Variants in HMBOX1 observed in about 807,000 individuals in gnomAD.
HMBOX1 encodes homeobox-containing protein 1.
HMBOX1 carries 14 observed loss-of-function variants against 54.5 expected under a neutral mutation model. That is an observed-to-expected ratio of 0.26 (90% CI 0.17 to 0.40). The LOEUF is 0.40. Ranked by LOEUF, HMBOX1 falls within the 10% of genes least tolerant of loss-of-function variation. The pLI is 1.00. For synonymous variants in HMBOX1, 160 were observed against 181.0 expected (o/e 0.88, Z 0.93); for missense variants, 332 against 514.4 (o/e 0.65, Z 3.43).
intron 6 of HMBOX1, among the ~76,000 whole-genome samples, chr8:29,044,361 C>T (rs902066023): frequency 8.2e-4 from 125 of 152,180 alleles, no homozygotes; most frequent in African/African-American, 2.8e-3. Flanking sequence ...TTCTCCTTTT[C>T]TTTTTTTAAA....
At chr8:28,947,628 C>T (rs900726281) in intron 1 of HMBOX1, among the ~76,000 whole-genome samples, 10 of 152,172 alleles carry the variant, frequency 6.6e-5, no homozygotes, top group African/African-American at 1.7e-4. Context: ...GAAATTCTAC[C>T]GTTAGCAATT....
intron 6 of HMBOX1, among the ~76,000 whole-genome samples, chr8:29,026,963 G>A (rs553486441): frequency 6.6e-6 from 1 of 152,166 alleles, no homozygotes; most frequent in African/African-American, 2.4e-5. Context: ...GGTATGTAGG[G>A]GGTTGTGGGT....
chr8:28,897,506 C>T (rs1292876786), intron 1 of HMBOX1, among the ~76,000 whole-genome samples: 2 of 152,030 alleles, frequency 1.3e-5, no homozygotes, highest in Admixed American at 6.5e-5. Flanking sequence ...GAAACTTTGC[C>T]TCTACTAAAA....
intron 1 of HMBOX1, among the ~76,000 whole-genome samples, chr8:28,938,726 G>A (rs1039365488): frequency 2.6e-5 from 4 of 152,056 alleles, no homozygotes; most frequent in East Asian, 3.9e-4. Context: ...TGGAATTACA[G>A]GCATGAGCCA....
At chr8:28,922,081 C>G (rs994895700) in intron 1 of HMBOX1, among the ~76,000 whole-genome samples, 1 of 152,094 alleles carries the variant, frequency 6.6e-6, no homozygotes, top group Non-Finnish European at 1.5e-5. Flanking sequence ...ATCTGTTGGT[C>G]CCACATCCAT....
intron 4 of HMBOX1, among the ~76,000 whole-genome samples, chr8:29,002,112 G>A (rs1205966293): frequency 6.6e-6 from 1 of 152,110 alleles, no homozygotes; most frequent in African/African-American, 2.4e-5. Flanking sequence ...TGGTTCAGGG[G>A]GGTCTCATGA....
intron 3 of HMBOX1, among the ~76,000 whole-genome samples, chr8:28,972,491 C>T (rs1239708533): frequency 1.3e-5 from 2 of 152,022 alleles, no homozygotes; most frequent in Admixed American, 6.6e-5. Context: ...AATGTTGTTA[C>T]GATTAAGAGG....
chr8:28,971,790 C>T (rs1471265165), intron 3 of HMBOX1, among the ~76,000 whole-genome samples: 1 of 152,012 alleles, frequency 6.6e-6, no homozygotes, highest in Non-Finnish European at 1.5e-5. Context: ...GTAAAAACTC[C>T]TCTAGGAATA....
At chr8:28,948,550 G>A (rs946843071) in intron 1 of HMBOX1, among the ~76,000 whole-genome samples, 1 of 152,130 alleles carries the variant, frequency 6.6e-6, no homozygotes, top group African/African-American at 2.4e-5. Context: ...TTCTGTTTGC[G>A]CATTTATAAC....
intron 6 of HMBOX1, among the ~76,000 whole-genome samples, chr8:29,035,244 A>T (rs1032925702): frequency 6.6e-6 from 1 of 152,176 alleles, no homozygotes; most frequent in Non-Finnish European, 1.5e-5. Context: ...AAGAAAAACC[A>T]TGCAAAAAAA....
At chr8:28,909,993 A>G (rs1333373859) in intron 1 of HMBOX1, among the ~76,000 whole-genome samples, 1 of 152,074 alleles carries the variant, frequency 6.6e-6, no homozygotes, top group African/African-American at 2.4e-5. Context: ...GTTCAGTCCC[A>G]GAACACTTTC....
At chr8:29,045,570 C>T (rs979036721) in intron 7 of HMBOX1, 127 bp downstream of exon 7, 23 of 716,136 alleles carry the variant, frequency 3.2e-5, no homozygotes, top group South Asian at 6.4e-5. Context: ...GCCATCCTTC[C>T]GCAGGTGGCC....
intron 1 of HMBOX1, among the ~76,000 whole-genome samples, chr8:28,939,403 C>T (rs554221571): frequency 6.6e-6 from 1 of 152,242 alleles, no homozygotes; most frequent in South Asian, 2.1e-4. Context: ...GCATTGTTTT[C>T]AGTCACCCTC....
At chr8:29,039,720 GTCC>G (rs1433083737) in intron 6 of HMBOX1, among the ~76,000 whole-genome samples, 2 of 151,996 alleles carry the variant, frequency 1.3e-5, no homozygotes, top group African/African-American at 2.4e-5. Context: ...CAACTACTAT[GTCC>G]TCCTTGTCAG....
At chr8:28,900,266 AAAAAAATAT>A (rs1563349444) in intron 1 of HMBOX1, among the ~76,000 whole-genome samples, 1 of 95,884 alleles carries the variant, frequency 1.0e-5, no homozygotes, top group Non-Finnish European at 2.2e-5. Flanking sequence ...AAAAAAAAAA[AAAAAAATAT>A]ATATATATAT....
chr8:29,046,256 T>G (rs1383262408), intron 7 of HMBOX1: 2 of 152,264 alleles, frequency 1.3e-5, no homozygotes, highest in African/African-American at 4.8e-5. Flanking sequence ...GAAAGGAATC[T>G]GTACCCTGTT....
At chr8:28,920,624 C>A (rs1026831845) in intron 1 of HMBOX1, among the ~76,000 whole-genome samples, 6 of 152,128 alleles carry the variant, frequency 3.9e-5, no homozygotes, top group Admixed American at 2.6e-4. Flanking sequence ...ATGCTGGAGA[C>A]TGTGGCTAGG....
intron 5 of HMBOX1, among the ~76,000 whole-genome samples, chr8:29,013,292 C>T (rs1287426053): frequency 6.6e-6 from 1 of 152,146 alleles, no homozygotes; most frequent in East Asian, 1.9e-4. Flanking sequence ...CGTGCCGCCA[C>T]GCCCAGCTGA....
intron 2 of HMBOX1, among the ~76,000 whole-genome samples, chr8:28,967,284 G>A: frequency 6.6e-6 from 1 of 152,198 alleles, no homozygotes; most frequent in East Asian, 1.9e-4. Flanking sequence ...AGCAGACAAA[G>A]TAAATAGGTG....
Sources: allele counts gnomAD v4.1 joint callset (sites outside exome capture counted in the v4.1 genomes callset), GRCh38; gene constraint gnomAD v4.1.1; transcripts MANE v1.5; gene names NCBI Gene and HGNC (gene_info 2026-07-23, HGNC 2026-07-21).